PTPRD: variants seen among roughly 807,000 people sequenced by gnomAD.
PTPRD encodes receptor-type tyrosine-protein phosphatase delta.
A neutral mutation model predicts 214.5 loss-of-function variants in PTPRD; 34 were observed. That is an observed-to-expected ratio of 0.16 (90% CI 0.12 to 0.21). The LOEUF is 0.21. Ranked by LOEUF, PTPRD falls within the 10% of genes least tolerant of loss-of-function variation. The probability of loss-of-function intolerance (pLI) is 1.00; values close to 1 mark genes in which losing one functional copy is unlikely to be tolerated. For synonymous variants in PTPRD, 1,128 were observed against 845.7 expected, an observed-to-expected ratio of 1.33 and a Z score of -5.79; for missense variants, 2,545 against 2,398.7, an observed-to-expected ratio of 1.06 and a Z score of -1.27.
chr9:10,441,727 C>T (rs922781964), intron 2 of PTPRD, among the ~76,000 whole-genome samples: 1 of 151,574 alleles, frequency 6.6e-6, no homozygotes, highest in African/African-American at 2.4e-5. Flanking sequence ...CTGGCACATA[C>T]AGCAGGTAGT....
intron 32 of PTPRD, among the ~76,000 whole-genome samples, chr9:8,461,655 A>T: frequency 6.9e-6 from 1 of 144,426 alleles, no homozygotes; most frequent in Non-Finnish European, 1.5e-5. Flanking sequence ...TTTACTCTTT[A>T]CCTTTCTAGA....
At chr9:8,352,787 T>C (rs551107604) in intron 39 of PTPRD, among the ~76,000 whole-genome samples, 1 of 152,322 alleles carries the variant, frequency 6.6e-6, no homozygotes, top group Non-Finnish European at 1.5e-5. Flanking sequence ...TGTACACAAA[T>C]GCCAGGAGTT....
intron 8 of PTPRD, among the ~76,000 whole-genome samples, chr9:9,573,438 G>C (rs998598052): frequency 6.6e-6 from 1 of 150,952 alleles, no homozygotes; most frequent in South Asian, 2.1e-4. Context: ...ACTTATGTCA[G>C]TATTGGTTAT....
chr9:9,914,986 TG>T (rs1352069327), intron 5 of PTPRD, among the ~76,000 whole-genome samples: 1 of 152,194 alleles, frequency 6.6e-6, no homozygotes, highest in African/African-American at 2.4e-5. Flanking sequence ...GACACCAAGT[TG>T]TTGGACTCAC....
At chr9:9,563,253 C>T (rs1211462537) in intron 8 of PTPRD, among the ~76,000 whole-genome samples, 2 of 152,038 alleles carry the variant, frequency 1.3e-5, no homozygotes, top group African/African-American at 4.8e-5. Flanking sequence ...GAGAAGAATC[C>T]ATGGCTTAGG....
intron 11 of PTPRD, among the ~76,000 whole-genome samples, chr9:8,988,864 A>G (rs776458362): frequency 2.0e-5 from 3 of 152,152 alleles, no homozygotes; most frequent in African/African-American, 7.2e-5. Flanking sequence ...GTTCCAGAGA[A>G]GTAATGTCAG....
intron 4 of PTPRD, among the ~76,000 whole-genome samples, chr9:9,983,224 C>G (rs1166966434): frequency 6.6e-6 from 1 of 152,066 alleles, no homozygotes; most frequent in Non-Finnish European, 1.5e-5. Context: ...CAGAGGTAGC[C>G]CCATTCTGGG....
At chr9:9,214,714 C>G (rs1046974125) in intron 9 of PTPRD, among the ~76,000 whole-genome samples, 2 of 152,026 alleles carry the variant, frequency 1.3e-5, no homozygotes, top group African/African-American at 2.4e-5. Context: ...TAATGTTCTT[C>G]AAAGCTTTTT....
At chr9:10,306,103 C>T (rs614638) in intron 3 of PTPRD, among the ~76,000 whole-genome samples, 46,467 of 151,720 alleles carry the variant, frequency 0.31, 8,421 homozygotes, top group African/African-American at 0.5. Flanking sequence ...CAAAAAAGGA[C>T]GAGTTCATGT....
At chr9:10,182,259 C>CAAAAAAAAAAAAAAAAAAAAAAAAAAAAA (rs3075574) in intron 3 of PTPRD, among the ~76,000 whole-genome samples, 3 of 54,442 alleles carry the variant, frequency 5.5e-5, no homozygotes, top group East Asian at 4.5e-4. Flanking sequence ...GACTCTGCCT[C>CAAAAAAAAAAAAAAAAAAAAAAAAAAAAA]AAAAAAAAAA....
intron 8 of PTPRD, among the ~76,000 whole-genome samples, chr9:9,497,101 T>G (rs183187588): frequency 1.3e-5 from 2 of 152,098 alleles, no homozygotes; most frequent in Non-Finnish European, 2.9e-5. Flanking sequence ...AGGCAGAGAA[T>G]GGGGAATCCT....
At chr9:9,631,095 A>G (rs1318739253) in intron 7 of PTPRD, among the ~76,000 whole-genome samples, 1 of 152,116 alleles carries the variant, frequency 6.6e-6, no homozygotes, top group African/African-American at 2.4e-5. Context: ...AGCATTTGTA[A>G]TCACATAGAC....
chr9:9,152,500 A>G (rs1301544379), intron 10 of PTPRD, among the ~76,000 whole-genome samples: 1 of 152,216 alleles, frequency 6.6e-6, no homozygotes, highest in African/African-American at 2.4e-5. Flanking sequence ...TCCTAATAGT[A>G]ATAACTATAC....
At chr9:8,556,799 A>G (rs139779914) in intron 14 of PTPRD, among the ~76,000 whole-genome samples, 340 of 152,186 alleles carry the variant, frequency 2.2e-3, no homozygotes, top group Non-Finnish European at 3.7e-3. Context: ...CAGCATCTGG[A>G]TTGGTAAGGA....
At chr9:8,484,045 C>T (rs1465858353) in intron 30 of PTPRD, 74 bp downstream of exon 30, 2 of 1,529,524 alleles carry the variant, frequency 1.3e-6, no homozygotes, top group Non-Finnish European at 8.8e-7. Flanking sequence ...TTTACGACCT[C>T]TATAATTTTG....
At chr9:9,953,827 C>T (rs192325722) in intron 4 of PTPRD, among the ~76,000 whole-genome samples, 3 of 152,252 alleles carry the variant, frequency 2.0e-5, no homozygotes, top group South Asian at 2.1e-4. Flanking sequence ...AGGGTTTTAT[C>T]GACATATGCT....
At chr9:8,995,288 C>G (rs1482985843) in intron 11 of PTPRD, among the ~76,000 whole-genome samples, 3 of 151,978 alleles carry the variant, frequency 2.0e-5, no homozygotes, top group Non-Finnish European at 4.4e-5. Flanking sequence ...AAATCCTTAT[C>G]TGTTAGAAAT....
chr9:8,779,394 G>A (rs1342553959), intron 11 of PTPRD, among the ~76,000 whole-genome samples: 1 of 151,672 alleles, frequency 6.6e-6, no homozygotes, highest in Non-Finnish European at 1.5e-5. Flanking sequence ...AACATCACAT[G>A]TCATGGGCTG....
chr9:8,970,340 G>A (rs1429660838), intron 11 of PTPRD, among the ~76,000 whole-genome samples: 1 of 151,812 alleles, frequency 6.6e-6, no homozygotes, highest in Non-Finnish European at 1.5e-5. Flanking sequence ...TTCAAAAATA[G>A]TGAGTTCTAA....
Sources: gnomAD v4.1 joint callset for allele counts (sites outside exome capture counted in the v4.1 genomes callset) on GRCh38, gnomAD v4.1.1 for gene constraint, MANE v1.5 for transcripts, NCBI Gene and HGNC (gene_info 2026-07-23, HGNC 2026-07-21) for gene names.